The following BICRAL variants were observed in gnomAD, a reference collection of about 807,000 sequenced individuals.
BICRAL encodes the protein BRD4-interacting chromatin-remodeling complex-associated protein-like.
BICRAL carries 8 observed loss-of-function variants against 91.8 expected under a neutral mutation model. The ratio of observed to expected loss-of-function variants is 0.09; its 90% CI spans 0.05 to 0.16. BICRAL has a LOEUF of 0.16. BICRAL is among the 10% of genes least tolerant of loss of function. BICRAL has a pLI of 1.00. For synonymous variants in BICRAL, 445 were observed against 491.1 expected (o/e 0.91, Z 1.24); for missense variants, 1,038 against 1,310.9 (o/e 0.79, Z 3.21).
intron 1 of BICRAL, among the ~76,000 whole-genome samples, chr6:42,787,631 T>C (rs1289165762): frequency 6.6e-6 from 1 of 152,124 alleles, no homozygotes; most frequent in Non-Finnish European, 1.5e-5. Flanking sequence ...ATTTTATTAT[T>C]TTCAAGAAAG....
chr6:42,806,985 C>T (rs1004373933), intron 1 of BICRAL, among the ~76,000 whole-genome samples: 10 of 151,550 alleles, frequency 6.6e-5, no homozygotes, highest in African/African-American at 1.9e-4. Flanking sequence ...TACCCGTCAA[C>T]AGTCCTGGCT....
Position 42,791,523 on chromosome 6 carries a change from G to A in BICRAL, c.-102+9422G>A, listed in dbSNP as rs892649914. ...ATTAGGAGTTGAACTTTGTGTCCTG[G>A]CCTGAAATGGAAACATTTTCACAGG... On this transcript the variant is annotated intron_variant, in intron 1 of 12. Transcript: ENST00000314073. Among the ~76,000 whole-genome samples the A allele has an allele frequency of 2.6e-5, 4 of 152,252 alleles. No homozygotes were observed. In the East Asian group the frequency reaches 7.7e-4, roughly 29 times the overall value.
intron 6 of BICRAL, among the ~76,000 whole-genome samples, chr6:42,841,291 C>T (rs1764791430): frequency 2.0e-5 from 3 of 148,020 alleles, no homozygotes; most frequent in African/African-American, 7.4e-5. Context: ...CGGGTTCAAG[C>T]GATTCTCCTG....
At chr6:42,780,065 C>T (rs990604608), upstream of BICRAL, among the ~76,000 whole-genome samples, 6 of 152,002 alleles carry the variant, frequency 3.9e-5, no homozygotes, top group Non-Finnish European at 5.9e-5. Context: ...ACATACCTGG[C>T]TAATTTTTAA....
intron 1 of BICRAL, among the ~76,000 whole-genome samples, chr6:42,784,424 A>G (rs1763042006): frequency 3.3e-5 from 5 of 152,224 alleles, no homozygotes; most frequent in African/African-American, 1.2e-4. Context: ...GTGTAGAAAA[A>G]TAACACCGTG....
At position 42,829,347 on chromosome 6, in the gene BICRAL, A is replaced by G; in HGVS notation, c.1014A>G (p.Val338=). 6.2e-7 allele frequency: 1 copy of G among 1,614,248 alleles called. No homozygotes were observed. The highest frequency in any genetic ancestry group is 1.1e-5 in the South Asian group (1 of 91,088). The change falls in exon 6 of 13, where the codon GTA becomes GTG. Residue 338 remains valine, a synonymous_variant. Transcript: ENST00000314073. ...VNNLGIQQHH[V]QQGISFASAS... is the part of the protein sequence containing the mutation. ...ATTTGGGAATTCAGCAGCACCACGT[A>G]CAACAAGGGATCTCTTTTGCTTCTG...
chr6:42,793,294 TAA>T (rs1463320382), intron 1 of BICRAL, among the ~76,000 whole-genome samples: 1 of 106,332 alleles, frequency 9.4e-6, no homozygotes, highest in Non-Finnish European at 1.9e-5. Flanking sequence ...CAGACCCAGC[TAA>T]TTTTTTTTTT....
At chr6:42,859,532 A>G (rs551259210) in intron 10 of BICRAL, among the ~76,000 whole-genome samples, 7 of 152,274 alleles carry the variant, frequency 4.6e-5, no homozygotes, top group African/African-American at 1.4e-4. Flanking sequence ...TTTACATTAA[A>G]CTGGTTTACC....
At chr6:42,864,571 G>A (rs1765650889) in intron 12 of BICRAL, 88 bp from the exon 13 acceptor site, 2 of 1,039,786 alleles carry the variant, frequency 1.9e-6, no homozygotes, top group Admixed American at 4.2e-5. Flanking sequence ...GGCTGGCTTT[G>A]CCCTCAGCAC....
intron 1 of BICRAL, among the ~76,000 whole-genome samples, chr6:42,770,713 G>GCCCTCCCCTCTCTGAACAGGA (rs1562453233): frequency 1.3e-5 from 2 of 151,256 alleles, no homozygotes; most frequent in Non-Finnish European, 1.5e-5. Flanking sequence ...ACCCCACCCG[G>GCCCTCCCCTCTCTGAACAGGA]TCAGTGTTTT....
upstream of BICRAL, among the ~76,000 whole-genome samples, chr6:42,780,016 T>G (rs1350219101): frequency 2.6e-5 from 4 of 152,186 alleles, no homozygotes; most frequent in East Asian, 7.7e-4. Context: ...TCGTCCTGCC[T>G]CAGCCTCCCC....
intron 1 of BICRAL, among the ~76,000 whole-genome samples, chr6:42,802,270 G>GA (rs1177491763): frequency 6.0e-5 from 9 of 149,078 alleles, no homozygotes; most frequent in Admixed American, 6.0e-4. Flanking sequence ...AAAAGAAAAA[G>GA]AAAAAAAATA....
At chr6:42,764,989 G>C (rs1487247767) in intron 1 of BICRAL, among the ~76,000 whole-genome samples, 1 of 152,162 alleles carries the variant, frequency 6.6e-6, no homozygotes, top group Non-Finnish European at 1.5e-5. Context: ...TTAGAAAAAC[G>C]TTTTGTGAAT....
intron 1 of BICRAL, among the ~76,000 whole-genome samples, chr6:42,785,683 G>A (rs543761040): frequency 1.3e-5 from 2 of 152,234 alleles, no homozygotes; most frequent in Admixed American, 6.5e-5. Flanking sequence ...CCTGAATTTT[G>A]AATTGTGGAC....
intron 1 of BICRAL, among the ~76,000 whole-genome samples, chr6:42,804,538 G>C (rs1763658459): frequency 6.6e-6 from 1 of 152,172 alleles, no homozygotes; most frequent in South Asian, 2.1e-4. Flanking sequence ...AGGATAAGTA[G>C]GCATTGTCAG....
chr6:42,760,155 G>A (rs549001828), intron 1 of BICRAL, among the ~76,000 whole-genome samples: 1 of 152,230 alleles, frequency 6.6e-6, no homozygotes, highest in South Asian at 2.1e-4. Context: ...TGAGGCAGGA[G>A]AATCACTGAA....
intron 10 of BICRAL, among the ~76,000 whole-genome samples, chr6:42,857,767 A>G (rs1256992043): frequency 3.4e-5 from 5 of 147,468 alleles, no homozygotes; most frequent in African/African-American, 1.3e-4. Flanking sequence ...GTGGTTTTGC[A>G]TAGTCCTTGC....
chr6:42,857,065 T>G, intron 9 of BICRAL, 26 bp from the exon 10 acceptor site: 1 of 1,579,890 alleles, frequency 6.3e-7, no homozygotes, highest in South Asian at 1.1e-5. Flanking sequence ...GACTTTACAT[T>G]GACATTGACC....
chr6:42,823,083 T>C lies in BICRAL; in HGVS notation c.159+80T>C, dbSNP rs555900376. On this transcript the variant is annotated intron_variant, in intron 5 of 12. Coordinates refer to ENST00000314073, the MANE Select transcript of BICRAL (RefSeq NM_001393499.1). ...TTGTGAACTGAGCCTTTAACTGCCT[T>C]TGTATCATGAGAATCCTTACCTTGT... The C allele has an allele frequency of 3.1e-5, 25 of 798,134 alleles. No homozygotes were observed. The Admixed American group carries it at 3.9e-4, about 13-fold the overall frequency. The allele number at this position is 798,134 out of a possible 1,614,324, so 49.4% of individuals were successfully genotyped here.
Sources: allele counts gnomAD v4.1 joint callset (sites outside exome capture counted in the v4.1 genomes callset), GRCh38; gene constraint gnomAD v4.1.1; transcripts MANE v1.5; gene names NCBI Gene and HGNC (gene_info 2026-07-23, HGNC 2026-07-21).